YTHDF3: variants seen among roughly 807,000 people sequenced by gnomAD.
The protein encoded by YTHDF3 is YTH domain-containing family protein 3.
YTHDF3 carries 9 observed loss-of-function variants against 52.5 expected under a neutral mutation model. That is an observed-to-expected ratio of 0.17 (90% CI 0.10 to 0.30). YTHDF3 has a LOEUF of 0.30. Among genes scored for constraint, YTHDF3 ranks in the 10% least tolerant of loss-of-function variants. YTHDF3 has a pLI of 1.00. For missense variants in YTHDF3, 534 were observed against 715.0 expected (o/e 0.75, Z 2.89); for synonymous variants, 274 against 243.3 (o/e 1.13, Z -1.18).
intron 3 of YTHDF3, among the ~76,000 whole-genome samples, chr8:63,181,671 T>C (rs1344204649): frequency 1.3e-5 from 2 of 152,254 alleles, no homozygotes; most frequent in Non-Finnish European, 2.9e-5. Context: ...GTAATTCATT[T>C]AGAGTAGCTA....
At chr8:63,195,731 C>CGTGG (rs1809189374) in intron 4 of YTHDF3, among the ~76,000 whole-genome samples, 1 of 145,266 alleles carries the variant, frequency 6.9e-6, no homozygotes, top group African/African-American at 2.6e-5. Context: ...CATGTATTTA[C>CGTGG]GTGTGTGTGT....
intron 2 of YTHDF3, among the ~76,000 whole-genome samples, chr8:63,169,792 C>G (rs1219650411): frequency 6.6e-6 from 1 of 152,168 alleles, no homozygotes; most frequent in African/African-American, 2.4e-5. Flanking sequence ...CTGGATTACA[C>G]TGGAAAATGG....
intron 2 of YTHDF3, chr8:63,172,592 A>G (rs1585736792): frequency 2.5e-6 from 1 of 399,892 alleles, no homozygotes; most frequent in East Asian, 3.6e-5. Context: ...TCATTTTATC[A>G]ATCCTCACAA....
intron 4 of YTHDF3, among the ~76,000 whole-genome samples, chr8:63,205,030 T>C (rs900335657): frequency 2.6e-5 from 4 of 152,194 alleles, no homozygotes; most frequent in Non-Finnish European, 4.4e-5. Context: ...TGTTAACCTC[T>C]GTGAAAAAGA....
chr8:63,184,398 A>G (rs910193401), intron 3 of YTHDF3, among the ~76,000 whole-genome samples: 5 of 152,236 alleles, frequency 3.3e-5, no homozygotes, highest in African/African-American at 9.6e-5. Context: ...CCTCTGTTAC[A>G]TTATATTTAG....
intron 3 of YTHDF3, among the ~76,000 whole-genome samples, chr8:63,185,919 A>C (rs1023905594): frequency 3.3e-5 from 5 of 152,206 alleles, no homozygotes; most frequent in African/African-American, 7.2e-5. Flanking sequence ...CTCATCCCTG[A>C]AAAAAGCCAT....
intron 2 of YTHDF3, among the ~76,000 whole-genome samples, chr8:63,172,014 T>A (rs1807361257): frequency 6.6e-6 from 1 of 152,170 alleles, no homozygotes; most frequent in Non-Finnish European, 1.5e-5. Context: ...ATGGCAAAAA[T>A]GTTTTTTGTA....
intron 4 of YTHDF3, among the ~76,000 whole-genome samples, chr8:63,208,338 A>C (rs905343169): frequency 5.9e-5 from 9 of 152,224 alleles, no homozygotes; most frequent in African/African-American, 2.2e-4. Context: ...GGTGTCACAG[A>C]GGATGGAAAA....
intron 4 of YTHDF3, among the ~76,000 whole-genome samples, chr8:63,195,685 A>G (rs1809184351): frequency 6.6e-6 from 1 of 152,066 alleles, no homozygotes; most frequent in Non-Finnish European, 1.5e-5. Context: ...ACATGAGCCC[A>G]GGAGTTGAAG....
intron 4 of YTHDF3, among the ~76,000 whole-genome samples, chr8:63,209,461 A>G (rs1336647209): frequency 1.3e-5 from 2 of 152,168 alleles, no homozygotes; most frequent in Non-Finnish European, 2.9e-5. Context: ...ACTCTCCTGA[A>G]ATAGGTCTTT....
At chr8:63,197,380 T>C (rs533975270) in intron 4 of YTHDF3, among the ~76,000 whole-genome samples, 1 of 152,380 alleles carries the variant, frequency 6.6e-6, no homozygotes, top group South Asian at 2.1e-4. Context: ...TTGGTTTTTT[T>C]CATTTGTAGA....
intron 4 of YTHDF3, among the ~76,000 whole-genome samples, chr8:63,207,466 G>A (rs1426370362): frequency 6.6e-6 from 1 of 151,726 alleles, no homozygotes; most frequent in Non-Finnish European, 1.5e-5. Context: ...CTTATTTTGT[G>A]CTTTCTAATC....
chr8:63,179,933 AC>A (rs1356179592), intron 3 of YTHDF3, among the ~76,000 whole-genome samples: 2 of 123,766 alleles, frequency 1.6e-5, no homozygotes, highest in African/African-American at 6.3e-5. Context: ...GGGCAGAGGC[AC>A]CCCTCACCTC....
intron 4 of YTHDF3, among the ~76,000 whole-genome samples, chr8:63,203,821 C>T (rs541931113): frequency 2.6e-5 from 4 of 152,168 alleles, no homozygotes; most frequent in South Asian, 2.1e-4. Flanking sequence ...CCCTCAATTT[C>T]GGTTTGGCTG....
At chr8:63,203,909 A>G (rs1809811007) in intron 4 of YTHDF3, among the ~76,000 whole-genome samples, 1 of 152,152 alleles carries the variant, frequency 6.6e-6, no homozygotes, top group Admixed American at 6.5e-5. Context: ...TCTTCATCTC[A>G]TCTTATATCT....
rs1455192248 is a variant in YTHDF3 at position 63,210,969 on chromosome 8, G to C, written c.*1263G>C. On this transcript the variant is annotated 3_prime_UTR_variant, in exon 5 of 5. Coordinates refer to ENST00000539294, the MANE Select transcript of YTHDF3 (RefSeq NM_152758.6). ...TTATGAAAATAATGTACTGCCCCAT[G>C]TATTACTGTTCCAAAAGGAGAAAGC... The C allele has an allele frequency of 1.3e-5, 2 of 152,516 alleles. No homozygotes were observed. The highest frequency in any genetic ancestry group is 2.9e-5 in the Non-Finnish European group (2 of 67,970). 9.4% of individuals were successfully genotyped at this position (152,516 alleles called of 1,614,324 possible). A position where few individuals can be genotyped will look rare whatever the true frequency, so the allele number is the denominator to read the frequency against.
intron 3 of YTHDF3, among the ~76,000 whole-genome samples, chr8:63,182,955 C>CTTTTT (rs11381385): frequency 6.3e-5 from 9 of 143,622 alleles, no homozygotes; most frequent in Non-Finnish European, 7.5e-5. Context: ...ACAGTTTTAT[C>CTTTTT]TTTTTTTTTT....
At chr8:63,185,916 C>T (rs568290941) in intron 3 of YTHDF3, among the ~76,000 whole-genome samples, 42 of 152,240 alleles carry the variant, frequency 2.8e-4, no homozygotes, top group African/African-American at 9.9e-4. Flanking sequence ...ACTCTCATCC[C>T]TGAAAAAAGC....
chr8:63,211,007 T>TA lies in YTHDF3; in HGVS notation c.*1302dup, dbSNP rs2150409076. 6.5e-6 allele frequency: 1 copy of TA among 152,722 alleles called. No individual in the cohort carries two copies. The highest frequency in any genetic ancestry group is 1.9e-4 in the East Asian group (1 of 5,190). 9.5% of individuals were successfully genotyped at this position (152,722 alleles called of 1,614,324 possible). On this transcript the variant is annotated 3_prime_UTR_variant, in exon 5 of 5. Coordinates refer to ENST00000539294, the MANE Select transcript of YTHDF3 (RefSeq NM_152758.6). ...AAAAGGAGAAAGCTATGTAGAAAGA[T>TA]ACATTAAGGGTGAAAATAGCAATAC...
Sources: gnomAD v4.1 joint callset for allele counts (sites outside exome capture counted in the v4.1 genomes callset) on GRCh38, gnomAD v4.1.1 for gene constraint, MANE v1.5 for transcripts, NCBI Gene and HGNC (gene_info 2026-07-23, HGNC 2026-07-21) for gene names.